The following ZBTB11 variants were observed in gnomAD, a reference collection of about 807,000 sequenced individuals.
The protein encoded by ZBTB11 is zinc finger and BTB domain-containing protein 11.
ZBTB11 carries 68 observed loss-of-function variants against 113.1 expected under a neutral mutation model. That is an observed-to-expected ratio of 0.60 (90% CI 0.49 to 0.74). The LOEUF is 0.74. Among genes scored for constraint, ZBTB11 ranks in the 30% least tolerant of loss-of-function variants. ZBTB11 has a pLI of 0.00. For missense variants in ZBTB11, 1,104 were observed against 1,279.4 expected (o/e 0.86, Z 2.09); for synonymous variants, 518 against 452.6 (o/e 1.14, Z -1.83).
rs1273568629 is a variant in ZBTB11 at position 101,676,466 on chromosome 3, T to TCGGCTCCGCCTGGCAG, written c.310+123_310+138dup. 1.2e-5 allele frequency: 11 copies of TCGGCTCCGCCTGGCAG among 900,430 alleles called. No homozygotes were observed. In the Admixed American group the frequency reaches 1.6e-4, roughly 13 times the overall value. The allele number at this position is 900,430 out of a possible 1,614,324, so 55.8% of individuals were successfully genotyped here. ...GGCTCCTTTCGCGTCCCCCACCCTC[T>TCGGCTCCGCCTGGCAG]CGGCTCCGCCTGGCAGCAGCTCCGC... On this transcript the variant is annotated intron_variant, in intron 1 of 10. Transcript: ENST00000312938.
At chr3:101,662,052 T>A (rs1011505513) in intron 5 of ZBTB11, 1 of 145,326 alleles carries the variant, frequency 6.9e-6, no homozygotes, top group Non-Finnish European at 1.5e-5. Flanking sequence ...TTTTTTAGAC[T>A]TTTTTTTTTT....
intron 3 of ZBTB11, among the ~76,000 whole-genome samples, chr3:101,669,157 A>C (rs1937044950): frequency 6.6e-6 from 1 of 152,062 alleles, no homozygotes. Context: ...CTCAGCCTCC[A>C]AAGTAGCTGG....
Position 101,651,040 on chromosome 3 carries a change from C to G in ZBTB11, c.*126G>C, listed in dbSNP as rs943033393. 4.4e-6 allele frequency: 5 copies of G among 1,146,882 alleles called. No homozygotes were observed. In the African/African-American group the frequency reaches 7.8e-5, roughly 18 times the overall value. The allele number at this position is 1,146,882 out of a possible 1,614,324, so 71.0% of individuals were successfully genotyped here. A position where few individuals can be genotyped will look rare whatever the true frequency, so the allele number is the denominator to read the frequency against. ...CCAGACAAAATGTTTGGAAACGTTA[C>G]GTTACCAAACAGCCCAGAACTTTGA... is the stretch of plus-strand genomic sequence containing the variant. On this transcript the variant is annotated 3_prime_UTR_variant, in exon 11 of 11. Transcript: ENST00000312938.
intron 5 of ZBTB11, among the ~76,000 whole-genome samples, chr3:101,662,483 G>C (rs947227597): frequency 2.6e-5 from 4 of 152,122 alleles, no homozygotes; most frequent in Admixed American, 6.6e-5. Flanking sequence ...AATTAGCCGG[G>C]TATGGTGGCG....
chr3:101,658,758 TG>T (rs1559983386), intron 6 of ZBTB11, among the ~76,000 whole-genome samples: 1 of 152,066 alleles, frequency 6.6e-6, no homozygotes, highest in Non-Finnish European at 1.5e-5. Context: ...AAGGGTGAGT[TG>T]GGGGTGAGGC....
rs773931306 is a variant in ZBTB11, at chr3:101,671,746, G to A, written c.546+232C>T. 1.8e-5 allele frequency: 11 copies of A among 599,188 alleles called. No homozygotes were observed. The Admixed American group carries it at 2.5e-4, about 13-fold the overall frequency. 37.1% of individuals were successfully genotyped at this position (599,188 alleles called of 1,614,324 possible). A position where few individuals can be genotyped will look rare whatever the true frequency, so the allele number is the denominator to read the frequency against. ...ACCAATATATCATCACAAAAGAAGG[G>A]AGGGAGGATAATTAACAACAAACCA... On this transcript the variant is annotated intron_variant, in intron 2 of 10. Coordinates refer to ENST00000312938, the MANE Select transcript of ZBTB11 (RefSeq NM_014415.4).
chr3:101,659,912 T>C lies in ZBTB11; in HGVS notation c.1917A>G (p.Gly639=). 1 of 1,614,212 alleles carries C rather than the reference T, an allele frequency of 6.2e-7. No individual in the cohort carries two copies. Among genetic ancestry groups the C allele is most frequent in the Non-Finnish European group, 8.5e-7 (1 of 1,180,032 alleles). ...TGGTTCTGCCCTTCTCAGATGATGT[T>C]CCCGATGCTTCATTAGACGTGGAAT... The part of the protein sequence containing the change: ...SSNSTSNEAS[G]TSSEKGRTKR... Residue 639 remains glycine, a synonymous_variant, in exon 6 of 11, where the codon GGA becomes GGG. Coordinates refer to ENST00000312938, the MANE Select transcript of ZBTB11 (RefSeq NM_014415.4).
intron 1 of ZBTB11, among the ~76,000 whole-genome samples, chr3:101,676,067 C>T (rs1314706154): frequency 6.6e-6 from 1 of 152,246 alleles, no homozygotes; most frequent in Non-Finnish European, 1.5e-5. Flanking sequence ...TTGTATTATT[C>T]CTTATTTACG....
rs368853622 is a variant in ZBTB11 at position 101,672,062 on chromosome 3, A to T, written c.462T>A (p.Asp154Glu). 6.2e-7 allele frequency: 1 copy of T among 1,614,072 alleles called. No homozygotes were observed. Among genetic ancestry groups the T allele is most frequent in the Non-Finnish European group, 8.5e-7 (1 of 1,180,026 alleles). The change falls in exon 2 of 11, where the codon GAT becomes GAA. Residue 154 changes from aspartate (D) to glutamate (E), a missense_variant. Physicochemically the swap from Asp to Glu is conservative, Grantham distance 45. Transcript: ENST00000312938. Reference protein sequence around the residue: ...ESGEESNESEDDLSNFTSSPT... With the variant: ...ESGEESNESEEDLSNFTSSPT... ...GAGATGAAGTAAAGTTGCTCAGGTC[A>T]TCTTCCGATTCATTACTTTCTTCTC...
At chr3:101,664,862 A>T in intron 4 of ZBTB11, 102 bp downstream of exon 4, 1 of 1,496,776 alleles carries the variant, frequency 6.7e-7, no homozygotes, top group Non-Finnish European at 9.0e-7. Flanking sequence ...CCTTGTACCC[A>T]TCTCACCTCC....
chr3:101,672,848 A>G (rs1222024854), intron 1 of ZBTB11, among the ~76,000 whole-genome samples: 1 of 152,242 alleles, frequency 6.6e-6, no homozygotes, highest in Non-Finnish European at 1.5e-5. Context: ...CAGAACCTTA[A>G]GAGGTACTGA....
chr3:101,676,468 G>C, intron 1 of ZBTB11, 137 bp downstream of exon 1: 2 of 901,928 alleles, frequency 2.2e-6, no homozygotes, highest in Non-Finnish European at 1.5e-6. Context: ...CCACCCTCTC[G>C]GCTCCGCCTG....
chr3:101,671,502 A>T, intron 2 of ZBTB11, 141 bp from the exon 3 acceptor site: 1 of 654,328 alleles, frequency 1.5e-6, no homozygotes, highest in Non-Finnish European at 2.6e-6. Flanking sequence ...TATGTATTTA[A>T]ATAAAAAGAT....
In ZBTB11 at chr3:101,665,039, T is replaced by C. The variant is rs775864199; in HGVS notation, c.1548A>G (p.Ala516=). ...RLRQRSVNEG[A]YIRLHKGMEK... is the part of the protein sequence containing the mutation. ...CCATTCCCTTGTGTAGTCGAATATATGCCCCTTCATTAACAGAACGTTGTC... is the reference window on the plus strand; with the variant it reads ...CCATTCCCTTGTGTAGTCGAATATACGCCCCTTCATTAACAGAACGTTGTC... Residue 516 remains alanine (A), a synonymous_variant, in exon 4 of 11, where the codon GCA becomes GCG. Coordinates refer to ENST00000312938, the MANE Select transcript of ZBTB11 (RefSeq NM_014415.4). The C allele has an allele frequency of 6.2e-7, 1 of 1,614,206 alleles. No homozygotes were observed. The highest frequency in any genetic ancestry group is 8.5e-7 in the Non-Finnish European group (1 of 1,180,022).
chr3:101,661,233 CAAAAAAAAAAAAA>C (rs36039635), intron 5 of ZBTB11, among the ~76,000 whole-genome samples: 2 of 107,240 alleles, frequency 1.9e-5, no homozygotes, highest in African/African-American at 6.3e-5. Flanking sequence ...GACCCTGTCT[CAAAAAAAAAAAAA>C]AAAAAAAATC....
At chr3:101,675,432 A>G (rs1256411828) in intron 1 of ZBTB11, among the ~76,000 whole-genome samples, 3 of 152,258 alleles carry the variant, frequency 2.0e-5, no homozygotes, top group African/African-American at 7.2e-5. Flanking sequence ...AACTTTAGAA[A>G]CTATTCAGTA....
At chr3:101,664,868 C>A in intron 4 of ZBTB11, 96 bp downstream of exon 4, 1 of 1,512,594 alleles carries the variant, frequency 6.6e-7, no homozygotes, top group Non-Finnish European at 8.9e-7. Flanking sequence ...ACCCATCTCA[C>A]CTCCCAAATA....
intron 3 of ZBTB11, among the ~76,000 whole-genome samples, 153 bp from the exon 4 acceptor site, chr3:101,665,961 T>C (rs1308212941): frequency 6.6e-6 from 1 of 152,252 alleles, no homozygotes; most frequent in Non-Finnish European, 1.5e-5. Flanking sequence ...TGGTTTCTTA[T>C]TAAACCTTGA....
rs1009082522 is a variant in ZBTB11, at chr3:101,650,653, A to G, written c.*513T>C. 3.3e-5 allele frequency: 5 copies of G among 152,714 alleles called. No individual in the cohort carries two copies. Among genetic ancestry groups the G allele is most frequent in the African/African-American group, 1.2e-4 (5 of 41,458 alleles). 9.5% of individuals were successfully genotyped at this position (152,714 alleles called of 1,614,324 possible). The stretch of plus-strand genomic sequence containing the variant: ...AAGTCAAGAATCACAGATCTAAAGC[A>G]TTTAAAAAACGTAATATACCTATGC... On this transcript the variant is annotated 3_prime_UTR_variant, in exon 11 of 11. Transcript: ENST00000312938.
Sources: allele counts gnomAD v4.1 joint callset (sites outside exome capture counted in the v4.1 genomes callset), GRCh38; gene constraint gnomAD v4.1.1; transcripts MANE v1.5; gene names NCBI Gene and HGNC (gene_info 2026-07-23, HGNC 2026-07-21).